DCC: variants seen among roughly 807,000 people sequenced by gnomAD.
The protein encoded by DCC is netrin receptor DCC.
In DCC, 58 loss-of-function variants were observed where a neutral mutation model predicts 172.5. The observed-to-expected ratio is 0.34, with a 90% confidence interval of 0.27 to 0.42. DCC has a LOEUF of 0.42. DCC is among the 10% of genes least tolerant of loss of function. The pLI is 1.00. For synonymous variants in DCC, 709 were observed against 644.5 expected, an observed-to-expected ratio of 1.10 and a Z score of -1.52; for missense variants, 1,740 against 1,791.0, an observed-to-expected ratio of 0.97 and a Z score of 0.51.
rs1193983064 is a variant in DCC at position 53,120,441 on chromosome 18, C to CATATAGGTAAAGAAT, written c.1262-36914_1262-36913insTATAGGTAAAGAATA. Reference sequence around the variant, plus strand: ...AAAATACTATAGCTGTATTCTTTACCACATATAGGAATCAACTCTTACTTA... The same window carrying CATATAGGTAAAGAAT: ...AAAATACTATAGCTGTATTCTTTACCATATAGGTAAAGAATACATATAGGAATCAACTCTTACTTA... On this transcript the variant is annotated intron_variant, in intron 7 of 28. Coordinates refer to ENST00000442544, the MANE Select transcript of DCC (RefSeq NM_005215.4). 2.6e-5 allele frequency among the ~76,000 whole-genome samples: 4 copies of CATATAGGTAAAGAAT among 151,310 alleles called. No individual in the cohort carries two copies. In the East Asian group the frequency reaches 7.8e-4, roughly 29 times the overall value.
chr18:53,262,885 TGAGAA>T (rs1447339773), intron 12 of DCC, among the ~76,000 whole-genome samples: 1 of 152,228 alleles, frequency 6.6e-6, no homozygotes, highest in African/African-American at 2.4e-5. Context: ...TTTCAGGAAA[TGAGAA>T]GAGTTGTTCA....
chr18:52,609,126 C>T (rs2034197133), intron 1 of DCC, among the ~76,000 whole-genome samples: 1 of 152,048 alleles, frequency 6.6e-6, no homozygotes, highest in Admixed American at 6.6e-5. Context: ...TATTTTTTGA[C>T]AGGAAGGAAT....
intron 1 of DCC, among the ~76,000 whole-genome samples, chr18:52,430,209 T>A (rs899793737): frequency 6.6e-6 from 1 of 151,710 alleles, no homozygotes; most frequent in East Asian, 1.9e-4. Context: ...TAAGAATACA[T>A]CTCTTAGAAA....
At chr18:53,512,186 C>A (rs2046265054) in intron 27 of DCC, among the ~76,000 whole-genome samples, 1 of 152,068 alleles carries the variant, frequency 6.6e-6, no homozygotes, top group South Asian at 2.1e-4. Flanking sequence ...GGGAGGCACC[C>A]CCCAGCAGGA....
intron 7 of DCC, among the ~76,000 whole-genome samples, chr18:53,114,484 G>A (rs919875453): frequency 2.0e-5 from 3 of 151,502 alleles, no homozygotes; most frequent in African/African-American, 7.3e-5. Flanking sequence ...TTTCTTTCAT[G>A]TTAGCTTCAG....
intron 1 of DCC, among the ~76,000 whole-genome samples, chr18:52,354,940 G>A (rs904152446): frequency 2.0e-5 from 3 of 152,216 alleles, no homozygotes; most frequent in East Asian, 1.9e-4. Context: ...AGGAAATTCT[G>A]CAAATAGCAA....
intron 12 of DCC, among the ~76,000 whole-genome samples, chr18:53,290,050 C>T (rs1006119237): frequency 6.6e-6 from 1 of 152,166 alleles, no homozygotes; most frequent in Non-Finnish European, 1.5e-5. Context: ...GCATGGTATG[C>T]TATTTGTGAA....
At chr18:52,923,946 A>G (rs2040162561) in intron 4 of DCC, 89 bp downstream of exon 4, 1 of 930,260 alleles carries the variant, frequency 1.1e-6, no homozygotes, top group African/African-American at 1.6e-5. Flanking sequence ...ATAAGTACCT[A>G]CAGTACTAGG....
At chr18:52,944,957 C>A (rs1015962797) in intron 5 of DCC, among the ~76,000 whole-genome samples, 1 of 152,168 alleles carries the variant, frequency 6.6e-6, no homozygotes, top group Non-Finnish European at 1.5e-5. Context: ...CAAATAGCTT[C>A]TCATCATCTT....
chr18:52,865,480 T>C (rs1386842083), intron 2 of DCC, among the ~76,000 whole-genome samples: 1 of 152,178 alleles, frequency 6.6e-6, no homozygotes, highest in Non-Finnish European at 1.5e-5. Context: ...TTCCTACTTT[T>C]CCACATCCTC....
chr18:52,976,732 A>T lies in DCC; in HGVS notation c.985+51362A>T, dbSNP rs146734763. ...GCCCAATGGTTTCTTCCCCCTGAGG[A>T]TATTCTATTCTGATATCTAACTTTT... On this transcript the variant is annotated intron_variant, in intron 5 of 28. Coordinates refer to ENST00000442544, the MANE Select transcript of DCC (RefSeq NM_005215.4). Among the ~76,000 whole-genome samples, 62 of 152,284 alleles carry T rather than the reference A, an allele frequency of 4.1e-4. No individual in the cohort carries two copies. In the East Asian group the frequency reaches 0.011, roughly 28 times the overall value.
intron 2 of DCC, among the ~76,000 whole-genome samples, chr18:52,898,310 G>T (rs1465898719): frequency 6.6e-6 from 1 of 152,186 alleles, no homozygotes; most frequent in African/African-American, 2.4e-5. Flanking sequence ...AGGCTAGAGG[G>T]CAAATCGGAA....
chr18:53,196,424 G>A (rs2055443669), intron 9 of DCC, among the ~76,000 whole-genome samples: 1 of 152,122 alleles, frequency 6.6e-6, no homozygotes, highest in Admixed American at 6.5e-5. Context: ...ATTACTACTT[G>A]GTTGTGTTAG....
At chr18:52,357,344 A>G (rs1984414867) in intron 1 of DCC, among the ~76,000 whole-genome samples, 1 of 152,142 alleles carries the variant, frequency 6.6e-6, no homozygotes, top group Admixed American at 6.5e-5. Flanking sequence ...TAAAAAAGTG[A>G]AAAACCCACA....
chr18:52,666,676 T>C (rs1427493896), intron 1 of DCC, among the ~76,000 whole-genome samples: 1 of 152,212 alleles, frequency 6.6e-6, no homozygotes. Context: ...TTATTGTGAC[T>C]AAATTTCTCA....
chr18:52,372,547 C>T (rs1985167335), intron 1 of DCC, among the ~76,000 whole-genome samples: 1 of 152,152 alleles, frequency 6.6e-6, no homozygotes, highest in Non-Finnish European at 1.5e-5. Flanking sequence ...GTATATACTA[C>T]CTATTACATG....
chr18:52,864,846 A>G (rs1469635497), intron 2 of DCC, among the ~76,000 whole-genome samples: 1 of 151,866 alleles, frequency 6.6e-6, no homozygotes, highest in Non-Finnish European at 1.5e-5. Flanking sequence ...GTCCCTGCAA[A>G]GGATATGAAC....
chr18:52,469,152 G>A (rs1988875151), intron 1 of DCC, among the ~76,000 whole-genome samples: 3 of 152,042 alleles, frequency 2.0e-5, no homozygotes. Context: ...CTGCCTCCTG[G>A]GTTCAAGCAG....
At chr18:52,661,998 A>G (rs532460430) in intron 1 of DCC, among the ~76,000 whole-genome samples, 20 of 152,350 alleles carry the variant, frequency 1.3e-4, no homozygotes, top group African/African-American at 4.1e-4. Flanking sequence ...ATTGGAAGAT[A>G]ACATTGAGGA....
Sources: gnomAD v4.1 joint callset for allele counts (sites outside exome capture counted in the v4.1 genomes callset) on GRCh38, gnomAD v4.1.1 for gene constraint, MANE v1.5 for transcripts, NCBI Gene and HGNC (gene_info 2026-07-23, HGNC 2026-07-21) for gene names.